The following MAGI2 variants were observed in gnomAD, a reference collection of about 807,000 sequenced individuals.
The protein encoded by MAGI2 is membrane associated guanylate kinase, WW and PDZ domain containing 2.
MAGI2 carries 35 observed loss-of-function variants against 133.3 expected under a neutral mutation model. The observed-to-expected ratio is 0.26, with a 90% CI of 0.20 to 0.35. MAGI2 has a LOEUF of 0.35. Ranked by LOEUF, MAGI2 falls within the 10% of genes least tolerant of loss-of-function variation. The probability of loss-of-function intolerance (pLI) is 1.00; values close to 1 mark genes in which losing one functional copy is unlikely to be tolerated. For missense variants in MAGI2, 1,636 were observed against 1,863.4 expected (o/e 0.88, Z 2.25); for synonymous variants, 729 against 710.6 (o/e 1.03, Z -0.41).
intron 6 of MAGI2, among the ~76,000 whole-genome samples, chr7:78,455,387 T>C (rs1789200023): frequency 6.6e-6 from 1 of 152,144 alleles, no homozygotes; most frequent in South Asian, 2.1e-4. Flanking sequence ...TAGTTATTTC[T>C]AGCTCTGAGT....
At chr7:78,299,003 G>A (rs1428602017) in intron 9 of MAGI2, among the ~76,000 whole-genome samples, 1 of 151,352 alleles carries the variant, frequency 6.6e-6, no homozygotes, top group Non-Finnish European at 1.5e-5. Context: ...TTTTAGTACA[G>A]ACAGGGTTTC....
chr7:79,037,233 A>G (rs770200121), intron 1 of MAGI2, among the ~76,000 whole-genome samples: 1 of 152,198 alleles, frequency 6.6e-6, no homozygotes, highest in Admixed American at 6.5e-5. Context: ...AAAATGTTCC[A>G]TGGTCAAATA....
intron 1 of MAGI2, among the ~76,000 whole-genome samples, chr7:79,221,052 T>C (rs1044574639): frequency 1.3e-5 from 2 of 151,870 alleles, no homozygotes; most frequent in African/African-American, 4.9e-5. Flanking sequence ...CACCTGATGG[T>C]AGAAGGGTTT....
intron 7 of MAGI2, among the ~76,000 whole-genome samples, chr7:78,367,100 A>AACACACACACACACAC (rs6150177): frequency 0.038 from 5,617 of 146,794 alleles, 142 homozygotes; most frequent in South Asian, 0.05. Flanking sequence ...AATGTAGGCA[A>AACACACACACACACAC]ACACACACAC....
rs112908169 is a variant in MAGI2, at chr7:78,396,142, C to A, written c.1046-26929G>T. ...GTGCACCTGTAGTTTTAAAGCAACC[C>A]TTTTAAGATAAATTTTCAGATCACC... On this transcript the variant is annotated intron_variant, in intron 6 of 21. Transcript: ENST00000354212. Among the ~76,000 whole-genome samples, 4 of 152,198 alleles carry A rather than the reference C, an allele frequency of 2.6e-5. 1 individual carries two copies. Among genetic ancestry groups the A allele is most frequent in the African/African-American group, 9.6e-5 (4 of 41,536 alleles).
intron 1 of MAGI2, among the ~76,000 whole-genome samples, chr7:79,378,383 T>C (rs1259856727): frequency 1.3e-5 from 2 of 151,762 alleles, no homozygotes; most frequent in African/African-American, 2.4e-5. Flanking sequence ...GCTTTTCCGA[T>C]GAGGACACTG....
At chr7:79,441,268 A>G (rs1848477598) in intron 1 of MAGI2, among the ~76,000 whole-genome samples, 1 of 152,184 alleles carries the variant, frequency 6.6e-6, no homozygotes. Flanking sequence ...GACAACCAAC[A>G]ATTTCTTTAG....
At chr7:78,672,167 G>A (rs973634036) in intron 2 of MAGI2, among the ~76,000 whole-genome samples, 1 of 152,148 alleles carries the variant, frequency 6.6e-6, no homozygotes, top group African/African-American at 2.4e-5. Context: ...TCAGGGTGGG[G>A]CCTAGTGGGA....
chr7:78,288,227 GATTTAATACATAA>G (rs1438900680), intron 9 of MAGI2, among the ~76,000 whole-genome samples: 2 of 152,076 alleles, frequency 1.3e-5, no homozygotes, highest in African/African-American at 4.8e-5. Flanking sequence ...GAGACAGGCA[GATTTAATACATAA>G]ATTTAACATG....
chr7:78,852,372 G>A (rs967388022), intron 2 of MAGI2, among the ~76,000 whole-genome samples: 2 of 151,944 alleles, frequency 1.3e-5, no homozygotes, highest in Non-Finnish European at 2.9e-5. Context: ...TCACGAACAG[G>A]AAACTTAAGT....
intron 1 of MAGI2, among the ~76,000 whole-genome samples, chr7:79,185,751 A>C (rs1420186060): frequency 4.0e-5 from 6 of 151,818 alleles, no homozygotes; most frequent in African/African-American, 1.5e-4. Flanking sequence ...CATTTCAAAG[A>C]TGATTCAGGC....
At chr7:78,256,947 C>T (rs798319) in intron 9 of MAGI2, among the ~76,000 whole-genome samples, 41,316 of 151,978 alleles carry the variant, frequency 0.27, 6,274 homozygotes, top group East Asian at 0.46. Context: ...ATATAATTTT[C>T]GAACTATTGA....
intron 1 of MAGI2, among the ~76,000 whole-genome samples, chr7:79,019,906 G>A (rs1305672096): frequency 3.9e-5 from 6 of 152,120 alleles, no homozygotes; most frequent in Non-Finnish European, 8.8e-5. Context: ...ATTGGTACCA[G>A]GAGTGGGGTG....
intron 1 of MAGI2, among the ~76,000 whole-genome samples, chr7:79,018,030 A>T (rs1808913345): frequency 6.6e-6 from 1 of 152,108 alleles, no homozygotes; most frequent in Non-Finnish European, 1.5e-5. Flanking sequence ...TCATCCATGA[A>T]AATTTCCCCA....
intron 2 of MAGI2, among the ~76,000 whole-genome samples, chr7:78,916,625 G>A (rs73144949): frequency 0.012 from 1,851 of 152,202 alleles, 16 homozygotes; most frequent in Non-Finnish European, 0.02. Flanking sequence ...GTGAAATGAA[G>A]AAACCACAGC....
At chr7:78,194,132 T>C (rs1828495457) in intron 12 of MAGI2, among the ~76,000 whole-genome samples, 1 of 152,206 alleles carries the variant, frequency 6.6e-6, no homozygotes, top group Non-Finnish European at 1.5e-5. Flanking sequence ...GATCATTTAA[T>C]ACACAGATTC....
At chr7:78,489,975 C>A in intron 5 of MAGI2, 135 bp from the exon 6 acceptor site, 1 of 630,870 alleles carries the variant, frequency 1.6e-6, no homozygotes, top group South Asian at 2.2e-5. Context: ...TTCTAAGTAG[C>A]CCTGAAGGAG....
chr7:78,445,920 GT>G (rs1447040609), intron 6 of MAGI2, among the ~76,000 whole-genome samples: 1 of 150,208 alleles, frequency 6.7e-6, no homozygotes, highest in African/African-American at 2.4e-5. Context: ...AGCCTATATT[GT>G]CTTTTTTATT....
chr7:78,830,397 A>C (rs75364257), intron 2 of MAGI2, among the ~76,000 whole-genome samples: 1,882 of 152,234 alleles, frequency 0.012, 29 homozygotes, highest in African/African-American at 0.043. Context: ...ATTGCCAGTC[A>C]TGATTCATTA....
Sources: gnomAD v4.1 joint callset for allele counts (sites outside exome capture counted in the v4.1 genomes callset) on GRCh38, gnomAD v4.1.1 for gene constraint, MANE v1.5 for transcripts, NCBI Gene and HGNC (gene_info 2026-07-23, HGNC 2026-07-21) for gene names.